Variants in LCOR observed in about 807,000 individuals in gnomAD.
LCOR encodes the protein ligand dependent nuclear receptor corepressor.
LCOR carries 14 observed loss-of-function variants against 64.4 expected under a neutral mutation model. The observed-to-expected ratio is 0.22, with a 90% CI of 0.14 to 0.34. The LOEUF (loss-of-function observed/expected upper bound fraction) is 0.34. Among genes scored for constraint, LCOR ranks in the 10% least tolerant of loss-of-function variants. LCOR has a pLI of 1.00. For synonymous variants in LCOR, 643 were observed against 642.5 expected (o/e 1.00, Z -0.01); for missense variants, 1,686 against 1,765.3 (o/e 0.96, Z 0.80).
At chr10:96,890,489 A>G (rs1312764183) in intron 2 of LCOR, among the ~76,000 whole-genome samples, 1 of 152,202 alleles carries the variant, frequency 6.6e-6, no homozygotes, top group Non-Finnish European at 1.5e-5. Flanking sequence ...TTATGTATAT[A>G]TAAAATCATG....
At chr10:96,841,668 T>G (rs1326773960) in intron 2 of LCOR, among the ~76,000 whole-genome samples, 1 of 152,058 alleles carries the variant, frequency 6.6e-6, no homozygotes, top group South Asian at 2.1e-4. Flanking sequence ...GCCAAGACTT[T>G]CTTTTTGGAT....
intron 5 of LCOR, among the ~76,000 whole-genome samples, chr10:96,945,558 A>G (rs541410984): frequency 6.6e-6 from 1 of 152,172 alleles, no homozygotes; most frequent in Non-Finnish European, 1.5e-5. Context: ...TTCTAAAATT[A>G]TGTTCAAAAT....
At chr10:96,952,043 T>C in intron 6 of LCOR, 60 bp from the exon 7 acceptor site, 1 of 1,206,498 alleles carries the variant, frequency 8.3e-7, no homozygotes, top group Non-Finnish European at 1.2e-6. Context: ...TTTTAGCCTA[T>C]TTAGTTTACA....
intron 4 of LCOR, among the ~76,000 whole-genome samples, chr10:96,940,324 T>TC (rs1847430452): frequency 6.9e-6 from 1 of 145,110 alleles, no homozygotes; most frequent in South Asian, 2.3e-4. Flanking sequence ...TTTTTTTTTT[T>TC]TTTTTTTTTT....
intron 4 of LCOR, among the ~76,000 whole-genome samples, chr10:96,923,942 T>G (rs963852846): frequency 6.6e-6 from 1 of 152,160 alleles, no homozygotes; most frequent in Admixed American, 6.5e-5. Context: ...CCTAAAATAT[T>G]TACTCTCCGG....
intron 7 of LCOR, among the ~76,000 whole-genome samples, chr10:96,975,790 G>A (rs1313619675): frequency 2.0e-5 from 3 of 152,008 alleles, no homozygotes; most frequent in Non-Finnish European, 2.9e-5. Context: ...TGAGGCAGGT[G>A]GATCACCTGA....
chr10:96,955,945 C>T, intron 7 of LCOR: 1 of 1,593,868 alleles, frequency 6.3e-7, no homozygotes, highest in Non-Finnish European at 8.5e-7. Flanking sequence ...GTGCCAATTA[C>T]TGTACAAACT....
intron 2 of LCOR, among the ~76,000 whole-genome samples, chr10:96,844,912 G>A (rs529050466): frequency 2.0e-5 from 3 of 152,150 alleles, no homozygotes; most frequent in Non-Finnish European, 4.4e-5. Context: ...GTGTGGGGTG[G>A]TGGTGGAGGG....
At chr10:96,833,253 C>T (rs1410390739) in intron 1 of LCOR, 153 bp from the exon 2 acceptor site, 3 of 960,746 alleles carry the variant, frequency 3.1e-6, no homozygotes, top group Non-Finnish European at 3.7e-6. Context: ...CCCGAATGCC[C>T]CGTCCGCCCC....
intron 7 of LCOR, chr10:96,956,199 A>G: frequency 1.8e-6 from 2 of 1,138,804 alleles, no homozygotes; most frequent in Non-Finnish European, 2.2e-6. Context: ...ATGGAAGTGG[A>G]CTCCTTGCCT....
chr10:96,971,567 G>T (rs1847999798), intron 7 of LCOR, among the ~76,000 whole-genome samples: 1 of 152,176 alleles, frequency 6.6e-6, no homozygotes, highest in Non-Finnish European at 1.5e-5. Context: ...GAGTAGAGGA[G>T]AAACTACCTA....
intron 7 of LCOR, chr10:96,963,631 T>G (rs1020632364): frequency 1.3e-5 from 2 of 152,214 alleles, no homozygotes; most frequent in Admixed American, 1.3e-4. Context: ...GCAGACAGTT[T>G]TGTCCGTGTA....
chr10:96,909,017 C>T (rs1482075697), intron 4 of LCOR, among the ~76,000 whole-genome samples: 1 of 152,144 alleles, frequency 6.6e-6, no homozygotes, highest in Non-Finnish European at 1.5e-5. Context: ...GCCCGGCCTT[C>T]TTCTGTCCTA....
chr10:96,955,871 A>C, intron 7 of LCOR: 1 of 1,614,202 alleles, frequency 6.2e-7, no homozygotes, highest in Non-Finnish European at 8.5e-7. Flanking sequence ...AGATTGAATT[A>C]GATCCCCAGG....
In LCOR at chr10:96,842,700, G is replaced by A. The variant is rs138535616; in HGVS notation, c.-330+9221G>A. On this transcript the variant is annotated intron_variant, in intron 2 of 7. Transcript: ENST00000421806. ...GGCTGGAGTGCAGTGGTGTGATCTC[G>A]GCTCACTGCATCCTTTTCCTCCCAG... Among the ~76,000 whole-genome samples, 906 of 144,880 alleles carry A rather than the reference G, an allele frequency of 6.3e-3. 17 individuals carry two copies. The highest frequency in any genetic ancestry group is 0.022 in the African/African-American group (860 of 39,020).
intron 2 of LCOR, among the ~76,000 whole-genome samples, chr10:96,893,542 A>G (rs1846481996): frequency 6.6e-6 from 1 of 152,156 alleles, no homozygotes; most frequent in Non-Finnish European, 1.5e-5. Flanking sequence ...ATGCAGGCAG[A>G]TCACAAGGTC....
intron 2 of LCOR, among the ~76,000 whole-genome samples, chr10:96,896,831 G>C (rs1316292249): frequency 2.0e-5 from 3 of 152,084 alleles, no homozygotes; most frequent in African/African-American, 7.2e-5. Context: ...GTCTAGGTTG[G>C]GGCTAACTCT....
chr10:96,897,089 G>GAGAA (rs1398754943), intron 2 of LCOR, among the ~76,000 whole-genome samples: 1 of 116,514 alleles, frequency 8.6e-6, no homozygotes, highest in African/African-American at 3.6e-5. Flanking sequence ...GAAAGAGAAA[G>GAGAA]AGAAAGAAAA....
intron 7 of LCOR, among the ~76,000 whole-genome samples, chr10:96,973,634 A>G (rs1361549902): frequency 2.6e-5 from 4 of 152,176 alleles, no homozygotes; most frequent in Non-Finnish European, 5.9e-5. Context: ...GTTTTATTTA[A>G]AGAGTCAAGC....
Sources: allele counts gnomAD v4.1 joint callset (sites outside exome capture counted in the v4.1 genomes callset), GRCh38; gene constraint gnomAD v4.1.1; transcripts MANE v1.5; gene names NCBI Gene and HGNC (gene_info 2026-07-23, HGNC 2026-07-21).